The following ZNF408 variants were observed in gnomAD, a reference collection of about 807,000 sequenced individuals.
ZNF408 encodes the protein zinc finger protein 408, also known as PR domain zinc finger protein 17.
In ZNF408, 24 loss-of-function variants were observed where a neutral mutation model predicts 27.6. The observed-to-expected ratio is 0.87, with a 90% CI of 0.63 to 1.22. The LOEUF (loss-of-function observed/expected upper bound fraction) is 1.22, where lower values mean the gene tolerates loss of function less well. Among genes scored for constraint, ZNF408 ranks in the 50% most tolerant of loss-of-function variants. The pLI, the probability that ZNF408 is intolerant of heterozygous loss-of-function variation, is 0.00. For synonymous variants in ZNF408, 410 were observed against 396.1 expected (o/e 1.04, Z -0.42); for missense variants, 897 against 949.0 (o/e 0.95, Z 0.72).
chr11:46,705,160 T>TG lies in ZNF408; in HGVS notation c.1461dup (p.Arg488GlufsTer51). 1.9e-6 allele frequency: 3 copies of TG among 1,611,434 alleles called. No individual in the cohort carries two copies. Among genetic ancestry groups the TG allele is most frequent in the Non-Finnish European group, 2.5e-6 (3 of 1,179,934 alleles). ...AACCAGGGCTCCCTGCGGAACCATA[T>TG]GAGGCTCCATACAGGAGAAAAGCCT... On this transcript the variant is annotated frameshift_variant, in exon 5 of 5. Coordinates refer to ENST00000311764, the MANE Select transcript of ZNF408 (RefSeq NM_024741.3). LOFTEE classifies it low-confidence loss of function (END_TRUNC). This position sits in a 1 kb window ranked among gnomAD's most constrained non-coding sequence, Gnocchi z 6.5.
chr11:46,705,210 G>T lies in ZNF408; in HGVS notation c.1510G>T (p.Ala504Ser). 1 of 1,611,834 alleles carries T rather than the reference G, an allele frequency of 6.2e-7. No homozygotes were observed. The stretch of plus-strand genomic sequence containing the variant: ...TTTCCTGTGCCCGCACTGTGGCCGG[G>T]CGTTTCGTCAGCGGGGCAACCTGCG... Reference protein sequence around the residue: ...KPFLCPHCGRAFRQRGNLRGH... With the variant: ...KPFLCPHCGRSFRQRGNLRGH... Residue 504 changes from alanine to serine, a missense_variant, in exon 5 of 5, where the codon GCG becomes TCG. Coordinates refer to ENST00000311764, the MANE Select transcript of ZNF408 (RefSeq NM_024741.3). The surrounding 1 kb of genome is among the most constrained non-coding windows in gnomAD (Gnocchi z 6.5).
In ZNF408 at chr11:46,704,618, C is replaced by A. The variant is rs1157653033; in HGVS notation, c.918C>A (p.Ala306=). 1 of 1,613,956 alleles carries A rather than the reference C, an allele frequency of 6.2e-7. No homozygotes were observed. Among genetic ancestry groups the A allele is most frequent in the African/African-American group, 1.3e-5 (1 of 75,054 alleles). The change falls in exon 5 of 5, where the codon GCC becomes GCA. Residue 306 remains alanine, a synonymous_variant. Transcript: ENST00000311764. ...ARGTQPHGYL[A]KKLHSPSDQC... is the part of the protein sequence containing the mutation. ...GCACCCAGCCGCATGGCTACCTGGC[C>A]AAGAAGTTACACAGCCCCAGTGATC...
chr11:46,703,090 C>T lies in ZNF408; in HGVS notation c.499C>T (p.Leu167=), dbSNP rs1458913226. The change falls in exon 4 of 5, where the codon CTG becomes TTG. Residue 167 remains leucine, a synonymous_variant. Coordinates refer to ENST00000311764, the MANE Select transcript of ZNF408 (RefSeq NM_024741.3). ...VYQLVLPGSE[L]LLWPQPSSEG... ...CCAGCTGGTGCTGCCAGGCTCTGAACTGCTGCTGTGGCCCCAGCCTTCCTC... is the reference window on the plus strand; with the variant it reads ...CCAGCTGGTGCTGCCAGGCTCTGAATTGCTGCTGTGGCCCCAGCCTTCCTC... 8.1e-6 allele frequency: 13 copies of T among 1,613,280 alleles called. No homozygotes were observed. The highest frequency in any genetic ancestry group is 1.1e-5 in the Non-Finnish European group (13 of 1,179,664).
Position 46,703,591 on chromosome 11 carries a change from A to G in ZNF408, c.652+348A>G, listed in dbSNP as rs372768015. 3.7e-3 allele frequency among the ~76,000 whole-genome samples: 563 copies of G among 151,962 alleles called. 3 individuals carry two copies. Among genetic ancestry groups the G allele is most frequent in the African/African-American group, 0.013 (550 of 41,396 alleles). On this transcript the variant is annotated intron_variant, in intron 4 of 4. Transcript: ENST00000311764. The stretch of plus-strand genomic sequence containing the variant: ...AACAATATAGATATTTGCAACTTTT[A>G]CCTTCCTAAGAGCTTCCTGGAATAG...
In ZNF408 at chr11:46,701,389, C is replaced by G; in HGVS notation, c.53-10C>G. The G allele has an allele frequency of 6.2e-7, 1 of 1,612,216 alleles. No individual in the cohort carries two copies. The highest frequency in any genetic ancestry group is 1.1e-5 in the South Asian group (1 of 91,056). On this transcript the variant is annotated splice_polypyrimidine_tract_variant and intron_variant, in intron 1 of 4. Transcript: ENST00000311764. ...GGTGGCTCCCTCACTGTCTTCCCTTCTCTCTGCAGCCCGCGAGCCGCGCCT... is the reference window on the plus strand; with the variant it reads ...GGTGGCTCCCTCACTGTCTTCCCTTGTCTCTGCAGCCCGCGAGCCGCGCCT...
intron 4 of ZNF408, among the ~76,000 whole-genome samples, chr11:46,703,748 T>G (rs2064728052): frequency 8.3e-6 from 1 of 119,826 alleles, no homozygotes; most frequent in Non-Finnish European, 1.7e-5. Flanking sequence ...TTTGTTTTGT[T>G]GTTGTTGTTG....
intron 2 of ZNF408, 176 bp downstream of exon 2, chr11:46,701,852 G>A: frequency 1.2e-6 from 1 of 852,066 alleles, no homozygotes; most frequent in Non-Finnish European, 1.7e-6. Flanking sequence ...ATCGAGGTTT[G>A]AAAAGTTGTT....
At chr11:46,701,272 C>T in intron 1 of ZNF408, 127 bp from the exon 2 acceptor site, 3 of 1,559,426 alleles carry the variant, frequency 1.9e-6, no homozygotes. Context: ...TTTCAGGGCC[C>T]TCCTTAGAGC....
chr11:46,702,643 T>C (rs2064718163), intron 2 of ZNF408, 61 bp from the exon 3 acceptor site: 7 of 1,552,238 alleles, frequency 4.5e-6, no homozygotes, highest in Non-Finnish European at 6.1e-6. Flanking sequence ...CTAGTTTCTT[T>C]TTTTATTCCT....
In ZNF408 at chr11:46,705,547, A is replaced by G. The variant is rs2134511418; in HGVS notation, c.1847A>G (p.Tyr616Cys). 2 of 1,605,066 alleles carry G rather than the reference A, an allele frequency of 1.2e-6. No homozygotes were observed. The highest frequency in any genetic ancestry group is 1.7e-6 in the Non-Finnish European group (2 of 1,179,944). Reference protein sequence around the residue: ...PYRCPTCGMGYTLPQSLRRHQ... With the variant: ...PYRCPTCGMGCTLPQSLRRHQ... ...CGCTGCCCCACCTGTGGCATGGGCT[A>G]CACCCTCCCGCAGAGCCTCAGGCGG... The change falls in exon 5 of 5, where the codon TAC becomes TGC. Residue 616 changes from tyrosine (Y) to cysteine (C), a missense_variant. Transcript: ENST00000311764. The surrounding 1 kb of genome is among the most constrained non-coding windows in gnomAD (Gnocchi z 6.5).
Position 46,701,223 on chromosome 11 carries a change from G to T in ZNF408, c.52+124G>T, listed in dbSNP as rs1592397097. 6 of 1,565,418 alleles carry T rather than the reference G, an allele frequency of 3.8e-6. No homozygotes were observed. The South Asian group carries it at 5.6e-5, about 15-fold the overall frequency. ...AGGATCCTCCAGTGCCCTCAGAGTCGCTGGGGGCTTCTGAAGAGCCCTTGA... is the reference window on the plus strand; with the variant it reads ...AGGATCCTCCAGTGCCCTCAGAGTCTCTGGGGGCTTCTGAAGAGCCCTTGA... On this transcript the variant is annotated intron_variant, in intron 1 of 4. Coordinates refer to ENST00000311764, the MANE Select transcript of ZNF408 (RefSeq NM_024741.3).
At chr11:46,704,231 G>A in intron 4 of ZNF408, 122 bp from the exon 5 acceptor site, 1 of 1,006,408 alleles carries the variant, frequency 9.9e-7, no homozygotes. Flanking sequence ...GAAGAGATTG[G>A]TATCATTGCT....
intron 3 of ZNF408, 100 bp from the exon 4 acceptor site, chr11:46,702,884 C>T (rs1463486650): frequency 7.5e-6 from 12 of 1,592,170 alleles, no homozygotes; most frequent in Admixed American, 1.7e-5. Context: ...TCCAAAGGCA[C>T]GGCGTCCTTT....
intron 2 of ZNF408, among the ~76,000 whole-genome samples, chr11:46,702,248 C>A (rs542507122): frequency 1.3e-5 from 2 of 152,184 alleles, no homozygotes; most frequent in African/African-American, 4.8e-5. Context: ...ATGTGCACCA[C>A]CACACCCAGC....
rs1431527572 is a variant in ZNF408 at position 46,704,817 on chromosome 11, T to A, written c.1117T>A (p.Phe373Ile). 1.2e-6 allele frequency: 2 copies of A among 1,601,136 alleles called. No individual in the cohort carries two copies. Among genetic ancestry groups the A allele is most frequent in the African/African-American group, 1.3e-5 (1 of 74,714 alleles). Reference protein sequence around the residue: ...LQLCHLKKHAFVHTGHKPFLC... With the variant: ...LQLCHLKKHAIVHTGHKPFLC... ...GCTGTGCCACCTAAAGAAGCACGCA[T>A]TTGTGCACACGGGCCACAAGCCCTT... Residue 373 changes from phenylalanine (F) to isoleucine (I), a missense_variant, in exon 5 of 5, where the codon TTT becomes ATT. Coordinates refer to ENST00000311764, the MANE Select transcript of ZNF408 (RefSeq NM_024741.3).
chr11:46,702,627 T>G, intron 2 of ZNF408, 77 bp from the exon 3 acceptor site: 1 of 1,477,746 alleles, frequency 6.8e-7, no homozygotes, highest in Non-Finnish European at 9.3e-7. Flanking sequence ...CCCAGGAAAG[T>G]TTCATCTAGT....
At chr11:46,701,249 G>T in intron 1 of ZNF408, 150 bp downstream of exon 1, 1 of 1,557,294 alleles carries the variant, frequency 6.4e-7, no homozygotes. Flanking sequence ...GAGCCCTTGA[G>T]CCTCCTCAAA....
rs2064742946 is a variant in ZNF408, at chr11:46,705,255, A to G, written c.1555A>G (p.Thr519Ala). ...GNLRGHLRLHTGERPYRCPHC... is the reference protein window; with the variant it reads ...GNLRGHLRLHAGERPYRCPHC... ...CCTGCGTGGGCATTTGCGGCTCCAC[A>G]CCGGGGAGCGTCCTTACCGCTGCCC... The change falls in exon 5 of 5, where the codon ACC becomes GCC. Residue 519 changes from threonine to alanine, a missense_variant. Physicochemically the swap from Thr to Ala is moderately conservative, Grantham distance 58. Coordinates refer to ENST00000311764, the MANE Select transcript of ZNF408 (RefSeq NM_024741.3). This position sits in a 1 kb window ranked among gnomAD's most constrained non-coding sequence, Gnocchi z 6.5. The G allele has an allele frequency of 1.9e-6, 3 of 1,611,850 alleles. No homozygotes were observed. Among genetic ancestry groups the G allele is most frequent in the Non-Finnish European group, 2.5e-6 (3 of 1,179,768 alleles).
intron 4 of ZNF408, 63 bp downstream of exon 4, chr11:46,703,306 A>C (rs938944095): frequency 1.3e-6 from 2 of 1,542,182 alleles, no homozygotes; most frequent in South Asian, 2.5e-5. Context: ...TGTTGATAAG[A>C]CAAAGCAGAG....
Sources: gnomAD v4.1 joint callset for allele counts (sites outside exome capture counted in the v4.1 genomes callset) on GRCh38, gnomAD v4.1.1 for gene constraint, Gnocchi (gnomAD v3.1) non-coding constraint, MANE v1.5 for transcripts, NCBI Gene and HGNC (gene_info 2026-07-23, HGNC 2026-07-21) for gene names.